The following SNX29 variants were observed in gnomAD, a reference collection of about 807,000 sequenced individuals.
SNX29 encodes sorting nexin 29, also known as sorting nexin-29.
Under a neutral mutation model 102.1 loss-of-function variants are expected in SNX29, and 78 were observed. The ratio of observed to expected loss-of-function variants is 0.76; its 90% CI spans 0.64 to 0.92. The LOEUF (loss-of-function observed/expected upper bound fraction) is 0.92, where lower values mean the gene tolerates loss of function less well. SNX29 is among the 40% of genes least tolerant of loss of function. The probability of loss-of-function intolerance (pLI) is 0.00; values close to 1 mark genes in which losing one functional copy is unlikely to be tolerated. For missense variants in SNX29, 1,280 were observed against 1,061.7 expected (o/e 1.21, Z -2.86); for synonymous variants, 580 against 414.5 (o/e 1.40, Z -4.85).
At position 12,568,716 on chromosome 16, in the gene SNX29, G is replaced by C. The variant is rs900647555; in HGVS notation, c.*87G>C. On this transcript the variant is annotated 3_prime_UTR_variant, in exon 21 of 21. Coordinates refer to ENST00000566228, the MANE Select transcript of SNX29 (RefSeq NM_032167.5). The stretch of plus-strand genomic sequence containing the variant: ...TGCCGCTGGCCCCTCACCTCAGCGT[G>C]ACAACCACGTCCACCTGGTGATCCT... The C allele has an allele frequency of 1.7e-5, 26 of 1,533,876 alleles. No homozygotes were observed. Among genetic ancestry groups the C allele is most frequent in the Admixed American group, 5.9e-5 (3 of 51,000 alleles).
At chr16:12,525,422 C>T (rs964501509) in intron 20 of SNX29, among the ~76,000 whole-genome samples, 6 of 152,176 alleles carry the variant, frequency 3.9e-5, no homozygotes, top group African/African-American at 1.4e-4. Flanking sequence ...CCTGTAATCC[C>T]AGCACTCTGG....
chr16:12,042,598 G>T (rs1168431014), intron 4 of SNX29, among the ~76,000 whole-genome samples: 1 of 152,140 alleles, frequency 6.6e-6, no homozygotes. Flanking sequence ...TTCTATTTCT[G>T]TGTAATTCGC....
chr16:12,549,597 T>TCTA (rs1382444407), intron 20 of SNX29, among the ~76,000 whole-genome samples: 1 of 152,188 alleles, frequency 6.6e-6, no homozygotes, highest in Non-Finnish European at 1.5e-5. Flanking sequence ...TGCACCTTTT[T>TCTA]CTACTCCAGA....
chr16:11,998,496 G>A (rs1027482369), intron 1 of SNX29, among the ~76,000 whole-genome samples: 2 of 152,190 alleles, frequency 1.3e-5, no homozygotes, highest in Non-Finnish European at 2.9e-5. Context: ...GTGAGAGTTA[G>A]CTTGTTTCTA....
rs751493699 is a variant in SNX29, at chr16:12,568,567, A to G, written c.2380A>G (p.Lys794Glu). 6.2e-7 allele frequency: 1 copy of G among 1,608,326 alleles called. No individual in the cohort carries two copies. Reference sequence around the variant, plus strand: ...GCCCAAAGCAGCTTCCCGCTTCCCCAAACTGTCCCGGGGTCAGCCCCGGGA... The same window carrying G: ...GCCCAAAGCAGCTTCCCGCTTCCCCGAACTGTCCCGGGGTCAGCCCCGGGA... ...SRPKAASRFP[K>E]LSRGQPRETR... The change falls in exon 21 of 21, where the codon AAA becomes GAA. Residue 794 changes from lysine to glutamate, a missense_variant. Lys to Glu is a moderately conservative substitution (Grantham distance 56). Transcript: ENST00000566228.
At chr16:12,140,377 G>C (rs1018513295) in intron 13 of SNX29, among the ~76,000 whole-genome samples, 2 of 152,196 alleles carry the variant, frequency 1.3e-5, no homozygotes, top group African/African-American at 4.8e-5. Flanking sequence ...TCCCGGGCCA[G>C]CTGTGTTACT....
intron 20 of SNX29, chr16:12,526,754 C>G: frequency 4.6e-6 from 2 of 437,010 alleles, no homozygotes; most frequent in Non-Finnish European, 8.7e-6. Context: ...GCAGGAGGCG[C>G]TGCCCCATCC....
chr16:12,513,345 C>CCTGAGCTGCT (rs79421007), intron 19 of SNX29, among the ~76,000 whole-genome samples: 24,220 of 149,568 alleles, frequency 0.16, 2,260 homozygotes, highest in African/African-American at 0.23. Flanking sequence ...CCTGCCCTGC[C>CCTGAGCTGCT]CTGCTCTCTT....
At chr16:12,275,070 G>A (rs1476327686) in intron 14 of SNX29, among the ~76,000 whole-genome samples, 1 of 152,068 alleles carries the variant, frequency 6.6e-6, no homozygotes, top group Non-Finnish European at 1.5e-5. Context: ...TCTCAAATGG[G>A]ATGTGATTTC....
intron 15 of SNX29, among the ~76,000 whole-genome samples, chr16:12,330,795 C>T (rs1378255251): frequency 6.6e-6 from 1 of 152,202 alleles, no homozygotes; most frequent in Non-Finnish European, 1.5e-5. Context: ...GGTCACTCAG[C>T]AGCCCAGTGT....
At chr16:12,295,337 A>G (rs2079944009) in intron 15 of SNX29, among the ~76,000 whole-genome samples, 1 of 152,234 alleles carries the variant, frequency 6.6e-6, no homozygotes, top group South Asian at 2.1e-4. Flanking sequence ...TCCCAGGAGA[A>G]GTTGCCAGAA....
At chr16:12,446,962 C>T (rs1427057073) in intron 18 of SNX29, among the ~76,000 whole-genome samples, 61 of 151,736 alleles carry the variant, frequency 4.0e-4, no homozygotes. Flanking sequence ...GTCAGGGGTT[C>T]AAGACCAGCC....
Position 12,524,791 on chromosome 16 carries a change from C to A in SNX29, c.2268C>A (p.Phe756Leu), listed in dbSNP as rs760280875. 3.7e-6 allele frequency: 6 copies of A among 1,613,632 alleles called. No individual in the cohort carries two copies. In the African/African-American group the frequency reaches 4.0e-5, roughly 11 times the overall value. Reference protein sequence around the residue: ...MNKVIQMVPEFAASPKKETLI... With the variant: ...MNKVIQMVPELAASPKKETLI... ...AAGTCATCCAGATGGTCCCCGAGTT[C>A]GCTGCCAGCCCCAAGAAGGAGACCC... Residue 756 changes from phenylalanine to leucine, a missense_variant, in exon 20 of 21, where the codon TTC becomes TTA. By Grantham distance (22) the Phe-to-Leu change is conservative (BLOSUM62 0). Coordinates refer to ENST00000566228, the MANE Select transcript of SNX29 (RefSeq NM_032167.5).
At chr16:12,563,110 C>G (rs71388726) in intron 20 of SNX29, among the ~76,000 whole-genome samples, 36,648 of 149,134 alleles carry the variant, frequency 0.25, 4,768 homozygotes, top group East Asian at 0.43. Flanking sequence ...ACGCTAACAA[C>G]AGAGCCTAGG....
chr16:12,568,295 G>C (rs1055491714), intron 20 of SNX29, among the ~76,000 whole-genome samples: 4 of 69,758 alleles, frequency 5.7e-5, no homozygotes, highest in African/African-American at 2.0e-4. Context: ...TGGAGCCTCG[G>C]AGTGCTGTTA....
intron 13 of SNX29, among the ~76,000 whole-genome samples, chr16:12,135,251 A>C (rs112565756): frequency 0.014 from 2,155 of 152,284 alleles, 34 homozygotes; most frequent in South Asian, 0.093. Flanking sequence ...TGATCTAGCT[A>C]TCTGGGCATC....
At chr16:12,101,477 G>A (rs929355667) in intron 11 of SNX29, among the ~76,000 whole-genome samples, 8 of 151,410 alleles carry the variant, frequency 5.3e-5, no homozygotes, top group African/African-American at 9.7e-5. Flanking sequence ...TCCACCTCCC[G>A]GGTTCAAGCG....
chr16:12,504,969 T>A (rs1256301301), intron 19 of SNX29, among the ~76,000 whole-genome samples: 1 of 152,172 alleles, frequency 6.6e-6, no homozygotes, highest in African/African-American at 2.4e-5. Context: ...GTGTTTCCAT[T>A]TTTTGGCTTT....
intron 20 of SNX29, chr16:12,560,960 C>A (rs1040793321): frequency 4.7e-6 from 1 of 211,954 alleles, no homozygotes; most frequent in Non-Finnish European, 9.6e-6. Context: ...AGACCCAGAC[C>A]TGCCTTCAAG....
Sources: gnomAD v4.1 joint callset for allele counts (sites outside exome capture counted in the v4.1 genomes callset) on GRCh38, gnomAD v4.1.1 for gene constraint, MANE v1.5 for transcripts, NCBI Gene and HGNC (gene_info 2026-07-23, HGNC 2026-07-21) for gene names.